Variants in GALNTL6 observed in about 807,000 individuals in gnomAD.
GALNTL6 encodes the protein polypeptide N-acetylgalactosaminyltransferase like 6.
GALNTL6 carries 46 observed loss-of-function variants against 73.7 expected under a neutral mutation model. The ratio of observed to expected loss-of-function variants is 0.62; its 90% CI spans 0.49 to 0.80. The LOEUF (loss-of-function observed/expected upper bound fraction) is 0.80, where lower values mean the gene tolerates loss of function less well. GALNTL6 is among the 30% of genes least tolerant of loss of function. GALNTL6 has a pLI of 0.00. For missense variants in GALNTL6, 604 were observed against 755.0 expected, an observed-to-expected ratio of 0.80 and a Z score of 2.34; for synonymous variants, 259 against 263.7, an observed-to-expected ratio of 0.98 and a Z score of 0.17.
At chr4:172,006,149 G>T (rs940143335) in intron 2 of GALNTL6, among the ~76,000 whole-genome samples, 13 of 152,128 alleles carry the variant, frequency 8.5e-5, no homozygotes, top group African/African-American at 3.1e-4. Flanking sequence ...ATTAATCTGT[G>T]CAGTATTAGA....
At chr4:172,652,870 A>G (rs1046846270) in intron 5 of GALNTL6, among the ~76,000 whole-genome samples, 4 of 152,074 alleles carry the variant, frequency 2.6e-5, no homozygotes, top group African/African-American at 9.7e-5. Flanking sequence ...CCTAATTATA[A>G]GTTTTTTTCT....
At chr4:172,806,203 A>T (rs1404247982) in intron 5 of GALNTL6, among the ~76,000 whole-genome samples, 1 of 152,232 alleles carries the variant, frequency 6.6e-6, no homozygotes, top group African/African-American at 2.4e-5. Context: ...GCAGTCAACT[A>T]GATCATTATC....
chr4:172,674,866 C>A (rs1456319634), intron 5 of GALNTL6, among the ~76,000 whole-genome samples: 2 of 152,212 alleles, frequency 1.3e-5, no homozygotes, highest in African/African-American at 4.8e-5. Flanking sequence ...TGTCTGTCAT[C>A]TCCTGCATTG....
At chr4:172,224,642 T>C (rs186897442) in intron 2 of GALNTL6, among the ~76,000 whole-genome samples, 130 of 152,282 alleles carry the variant, frequency 8.5e-4, no homozygotes, top group African/African-American at 2.9e-3. Context: ...TGCTTTAAGA[T>C]TGCTAAAAGT....
intron 2 of GALNTL6, among the ~76,000 whole-genome samples, chr4:172,107,319 A>G (rs1218036689): frequency 6.6e-6 from 1 of 152,226 alleles, no homozygotes; most frequent in Non-Finnish European, 1.5e-5. Context: ...AAACAAAATC[A>G]GATAACTTAT....
intron 10 of GALNTL6, among the ~76,000 whole-genome samples, chr4:172,970,944 G>A (rs1489179841): frequency 2.0e-5 from 3 of 152,182 alleles, no homozygotes; most frequent in African/African-American, 7.2e-5. Context: ...TTCAGAGATT[G>A]CAGTAAAGAC....
chr4:172,367,465 T>C (rs1267644193), intron 5 of GALNTL6, among the ~76,000 whole-genome samples: 2 of 141,810 alleles, frequency 1.4e-5, no homozygotes, highest in Non-Finnish European at 3.0e-5. Flanking sequence ...TAGAAAGACC[T>C]TTTTTTTTGA....
intron 5 of GALNTL6, among the ~76,000 whole-genome samples, chr4:172,383,962 T>A (rs976307534): frequency 2.8e-4 from 43 of 152,304 alleles, no homozygotes; most frequent in African/African-American, 1.0e-3. Flanking sequence ...TAGTAACCAC[T>A]AGTTAATGGA....
At chr4:172,970,769 A>G (rs1475628152) in intron 10 of GALNTL6, among the ~76,000 whole-genome samples, 1 of 152,246 alleles carries the variant, frequency 6.6e-6, no homozygotes, top group Admixed American at 6.5e-5. Context: ...AGATTAAAGT[A>G]AAGACAGGCA....
At chr4:172,105,164 C>T (rs1732641547) in intron 2 of GALNTL6, among the ~76,000 whole-genome samples, 1 of 151,638 alleles carries the variant, frequency 6.6e-6, no homozygotes, top group Admixed American at 6.6e-5. Context: ...TTTATAAAAA[C>T]AATTGAGTAG....
At chr4:171,823,234 A>G (rs894198377) in intron 2 of GALNTL6, among the ~76,000 whole-genome samples, 1 of 152,258 alleles carries the variant, frequency 6.6e-6, no homozygotes, top group East Asian at 1.9e-4. Flanking sequence ...TTATATTTTT[A>G]AGACGGATAA....
At chr4:172,750,220 C>T (rs987150610) in intron 5 of GALNTL6, among the ~76,000 whole-genome samples, 4 of 152,056 alleles carry the variant, frequency 2.6e-5, no homozygotes, top group Non-Finnish European at 5.9e-5. Flanking sequence ...GTTTGTACTT[C>T]AATAACACAA....
intron 5 of GALNTL6, among the ~76,000 whole-genome samples, chr4:172,595,571 C>T (rs1333622758): frequency 1.3e-5 from 2 of 152,004 alleles, no homozygotes; most frequent in Non-Finnish European, 2.9e-5. Context: ...AGAAATCTTA[C>T]GTATTGTTAT....
intron 2 of GALNTL6, among the ~76,000 whole-genome samples, chr4:171,882,424 A>C (rs1380262436): frequency 6.6e-6 from 1 of 152,244 alleles, no homozygotes; most frequent in Admixed American, 6.5e-5. Flanking sequence ...GTTTATAAGC[A>C]GAATTGACTC....
intron 7 of GALNTL6, among the ~76,000 whole-genome samples, chr4:172,830,921 A>G (rs1742592571): frequency 5.3e-5 from 8 of 152,136 alleles, no homozygotes; most frequent in Admixed American, 5.2e-4. Flanking sequence ...ACACTTTGAG[A>G]GGCTGAGGCA....
chr4:173,025,438 C>T (rs1753192893), intron 12 of GALNTL6, among the ~76,000 whole-genome samples: 4 of 152,202 alleles, frequency 2.6e-5, no homozygotes, highest in Admixed American at 2.6e-4. Context: ...CACCTGCCCC[C>T]ATCAGCCAAT....
At chr4:172,115,366 G>T (rs76946262) in intron 2 of GALNTL6, among the ~76,000 whole-genome samples, 1 of 151,988 alleles carries the variant, frequency 6.6e-6, no homozygotes, top group African/African-American at 2.4e-5. Flanking sequence ...AAATAATTTT[G>T]AGAAATTGTT....
At chr4:171,927,662 C>T (rs1301254288) in intron 2 of GALNTL6, among the ~76,000 whole-genome samples, 1 of 152,048 alleles carries the variant, frequency 6.6e-6, no homozygotes, top group Non-Finnish European at 1.5e-5. Context: ...CTGCTCCAGC[C>T]ACATGGGTCT....
In GALNTL6 at chr4:171,904,369, C is replaced by A. The variant is rs1266470237; in HGVS notation, c.138+89651C>A. On this transcript the variant is annotated intron_variant, in intron 2 of 12. Coordinates refer to ENST00000506823, the MANE Select transcript of GALNTL6 (RefSeq NM_001034845.3). The stretch of plus-strand genomic sequence containing the variant: ...AATGCAGAAGCCTCAGGAGCCGATG[C>A]GATCAACTGGAAGAAAGGGTATCAG... Among the ~76,000 whole-genome samples, 7 of 152,046 alleles carry A rather than the reference C, an allele frequency of 4.6e-5. No homozygotes were observed. The East Asian group carries it at 1.2e-3, about 25-fold the overall frequency.
Sources: gnomAD v4.1 joint callset for allele counts (sites outside exome capture counted in the v4.1 genomes callset) on GRCh38, gnomAD v4.1.1 for gene constraint, MANE v1.5 for transcripts, NCBI Gene and HGNC (gene_info 2026-07-23, HGNC 2026-07-21) for gene names.